The following SH3TC1 variants were observed in gnomAD, a reference collection of about 807,000 sequenced individuals.
SH3TC1 encodes the protein SH3 domain and tetratricopeptide repeats 1.
A neutral mutation model predicts 117.3 loss-of-function variants in SH3TC1; 135 were observed. The observed-to-expected ratio is 1.15, with a 90% CI of 1.00 to 1.33. The LOEUF (loss-of-function observed/expected upper bound fraction) is 1.33. SH3TC1 is among the 40% of genes most tolerant of loss of function. The pLI is 0.00. For synonymous variants in SH3TC1, 898 were observed against 816.9 expected (o/e 1.10, Z -1.69); for missense variants, 2,092 against 1,794.3 (o/e 1.17, Z -3.00).
Position 8,236,343 on chromosome 4 carries a change from G to GGC in SH3TC1, c.3471_3472insGC (p.Leu1158AlafsTer23), listed in dbSNP as rs753080232. ...AGGCGGAGCTGCGGCTGTGCAACAA[G>GGC]CTGGTGGCACTGCTGGCCACGCTGG... is the stretch of plus-strand genomic sequence containing the variant. On this transcript the variant is annotated frameshift_variant, in exon 16 of 18. Transcript: ENST00000245105. LOFTEE classifies it high-confidence loss of function. 62 of 1,552,448 alleles carry GGC rather than the reference G, an allele frequency of 4.0e-5. 1 individual carries two copies. The Admixed American group carries it at 1.0e-3, about 26-fold the overall frequency.
intron 1 of SH3TC1, among the ~76,000 whole-genome samples, chr4:8,204,154 C>T (rs2152978096): frequency 6.6e-6 from 1 of 152,320 alleles, no homozygotes; most frequent in South Asian, 2.1e-4. Context: ...CCATGCCCTG[C>T]CTGCAGAGGG....
In SH3TC1 at chr4:8,206,021, C is replaced by T. The variant is rs1207090617; in HGVS notation, c.172+655C>T. 1 of 302,974 alleles carries T rather than the reference C, an allele frequency of 3.3e-6. No individual in the cohort carries two copies. Among genetic ancestry groups the T allele is most frequent in the Non-Finnish European group, 6.2e-6 (1 of 162,140 alleles). 18.8% of individuals were successfully genotyped at this position (302,974 alleles called of 1,614,324 possible). A position where few individuals can be genotyped will look rare whatever the true frequency, so the allele number is the denominator to read the frequency against. Reference sequence around the variant, plus strand: ...CAGTGTCCAGCCTCAGCCCAGTCTCCTCTTAGCTGCCTATGTCCCTGTCTT... The same window carrying T: ...CAGTGTCCAGCCTCAGCCCAGTCTCTTCTTAGCTGCCTATGTCCCTGTCTT... On this transcript the variant is annotated intron_variant, in intron 2 of 17. Transcript: ENST00000245105. This position sits in a 1 kb window ranked among gnomAD's most constrained non-coding sequence, Gnocchi z 5.5.
In SH3TC1 at chr4:8,227,072, C is replaced by T. The variant is rs376828824; in HGVS notation, c.1378C>T (p.Pro460Ser). The T allele has an allele frequency of 3.5e-5, 56 of 1,610,196 alleles. No individual in the cohort carries two copies. Among genetic ancestry groups the T allele is most frequent in the East Asian group, 4.5e-5 (2 of 44,828 alleles). Residue 460 changes from proline (P) to serine (S), a missense_variant, in exon 12 of 18, where the codon CCC becomes TCC. Pro to Ser is a moderately conservative substitution (Grantham distance 74, BLOSUM62 -1). Transcript: ENST00000245105. ...LEQCKTCPGC[P>S]QEPASWGLCA... ...ACAATGCAAGACCTGCCCAGGCTGCCCCCAGGAGCCAGCGTCCTGGGGTCT... is the reference window on the plus strand; with the variant it reads ...ACAATGCAAGACCTGCCCAGGCTGCTCCCAGGAGCCAGCGTCCTGGGGTCT...
chr4:8,216,563 C>T (rs1019812551), intron 6 of SH3TC1, among the ~76,000 whole-genome samples: 4 of 152,166 alleles, frequency 2.6e-5, no homozygotes, highest in East Asian at 1.9e-4. Flanking sequence ...TGTGGCTGGC[C>T]GCCGAGTCTG....
chr4:8,228,007 A>C lies in SH3TC1; in HGVS notation c.2313A>C (p.Gln771His). The C allele has an allele frequency of 6.2e-7, 1 of 1,611,712 alleles. No homozygotes were observed. Among genetic ancestry groups the C allele is most frequent in the Non-Finnish European group, 8.5e-7 (1 of 1,179,304 alleles). The change falls in exon 12 of 18, where the codon CAA becomes CAC. Residue 771 changes from glutamine (Q) to histidine (H), a missense_variant. Physicochemically the swap from Gln to His is conservative, Grantham distance 24. Transcript: ENST00000245105. ...CCCAAACTTCCCACTACCTCAGGCA[A>C]GCGCTGGCCTCCCTGACCCCGGGCA... is the stretch of plus-strand genomic sequence containing the variant. ...LPAQTSHYLR[Q>H]ALASLTPGTG...
Position 8,209,854 on chromosome 4 carries a change from G to T in SH3TC1, c.247+32G>T. The T allele has an allele frequency of 6.2e-7, 1 of 1,605,644 alleles. No homozygotes were observed. Among genetic ancestry groups the T allele is most frequent in the Non-Finnish European group, 8.5e-7 (1 of 1,175,784 alleles). On this transcript the variant is annotated intron_variant, in intron 3 of 17. Coordinates refer to ENST00000245105, the MANE Select transcript of SH3TC1 (RefSeq NM_018986.5). This position sits in a 1 kb window ranked among gnomAD's most constrained non-coding sequence, Gnocchi z 5.9. ...ATCCTGGGCCCTACACAGGGCTTCAGGTTCAAATCCGGGCTGTGCCGCTCC... is the reference window on the plus strand; with the variant it reads ...ATCCTGGGCCCTACACAGGGCTTCATGTTCAAATCCGGGCTGTGCCGCTCC...
Position 8,218,312 on chromosome 4 carries a change from T to G in SH3TC1, c.881T>G (p.Met294Arg). 1 of 1,612,066 alleles carries G rather than the reference T, an allele frequency of 6.2e-7. No homozygotes were observed. Among genetic ancestry groups the G allele is most frequent in the Non-Finnish European group, 8.5e-7 (1 of 1,178,468 alleles). Residue 294 changes from methionine (M) to arginine (R), a missense_variant, in exon 8 of 18, where the codon ATG becomes AGG. Coordinates refer to ENST00000245105, the MANE Select transcript of SH3TC1 (RefSeq NM_018986.5). ...CCCCAGGACCCCATCGACGATGCCA[T>G]GGGTGGCCCTGTGATGCCCGGCAAC... ...RIPQDPIDDA[M>R]GGPVMPGNPL... is the part of the protein sequence containing the mutation.
At chr4:8,239,670 C>T (rs1722160063) in intron 17 of SH3TC1, among the ~76,000 whole-genome samples, 2 of 152,360 alleles carry the variant, frequency 1.3e-5, no homozygotes, top group Admixed American at 1.3e-4. Context: ...TGGCTCCTTC[C>T]TGTTTAGTTG....
chr4:8,187,426 C>G (rs1473267941), intron 1 of SH3TC1, among the ~76,000 whole-genome samples: 1 of 152,234 alleles, frequency 6.6e-6, no homozygotes, highest in South Asian at 2.1e-4. Flanking sequence ...GCTCCGCCCA[C>G]CAGCCTAAGT....
At chr4:8,235,359 G>A (rs1001444197) in intron 14 of SH3TC1, 74 bp from the exon 15 acceptor site, 97 of 1,406,612 alleles carry the variant, frequency 6.9e-5, no homozygotes, top group Non-Finnish European at 8.8e-5. Context: ...GAGGCTGGGC[G>A]GGGGAGTCCG....
Position 8,227,781 on chromosome 4 carries a change from G to T in SH3TC1, c.2087G>T (p.Arg696Met). Residue 696 changes from arginine to methionine, a missense_variant, in exon 12 of 18, where the codon AGG becomes ATG. Coordinates refer to ENST00000245105, the MANE Select transcript of SH3TC1 (RefSeq NM_018986.5). ...CTAGAGCGGCTGCTGCTTTTGCACA[G>T]GGACTCGGGAGCCCCAGAGGCCGCG... is the stretch of plus-strand genomic sequence containing the variant. ...PFLERLLLLH[R>M]DSGAPEAAWL... 1.9e-6 allele frequency: 3 copies of T among 1,612,642 alleles called. No individual in the cohort carries two copies. Among genetic ancestry groups the T allele is most frequent in the Non-Finnish European group, 8.5e-7 (1 of 1,179,920 alleles).
At chr4:8,232,400 C>T in intron 13 of SH3TC1, 1 of 1,576,486 alleles carries the variant, frequency 6.3e-7, no homozygotes, top group African/African-American at 1.3e-5. Context: ...TTGCACACCT[C>T]CCCAAAGGTC....
chr4:8,216,269 A>C lies in SH3TC1; in HGVS notation c.628+12A>C, dbSNP rs757303151. 6.2e-7 allele frequency: 1 copy of C among 1,611,012 alleles called. No homozygotes were observed. The highest frequency in any genetic ancestry group is 2.2e-5 in the East Asian group (1 of 44,840). On this transcript the variant is annotated intron_variant, in intron 6 of 17. Coordinates refer to ENST00000245105, the MANE Select transcript of SH3TC1 (RefSeq NM_018986.5). ...CCTCATCCAAGAAGGTGAGCGTTGC[A>C]TGGGGTGATGGCCGAGATCCAGCTG...
intron 14 of SH3TC1, 146 bp downstream of exon 14, chr4:8,233,659 A>G (rs1017692921): frequency 1.5e-5 from 15 of 990,360 alleles, no homozygotes; most frequent in Middle Eastern, 3.4e-4. Context: ...TCCTTCCATC[A>G]TCTACCCATT....
chr4:8,223,997 C>T (rs553212357), intron 10 of SH3TC1, among the ~76,000 whole-genome samples: 22 of 152,064 alleles, frequency 1.4e-4, no homozygotes, highest in South Asian at 1.2e-3. Flanking sequence ...CACACAAATA[C>T]GCATGTAAAT....
chr4:8,207,959 C>G (rs367560115), intron 2 of SH3TC1, among the ~76,000 whole-genome samples: 1 of 152,204 alleles, frequency 6.6e-6, no homozygotes, highest in South Asian at 2.1e-4. Flanking sequence ...CCAGAGCCAG[C>G]GACCATGACA....
At chr4:8,216,086 G>T (rs10938696) in intron 5 of SH3TC1, 25 bp from the exon 6 acceptor site, 12 of 1,610,964 alleles carry the variant, frequency 7.4e-6, no homozygotes, top group Non-Finnish European at 8.5e-6. Flanking sequence ...TGGAGCCCTC[G>T]GGTGACTGGG....
chr4:8,213,050 G>A, intron 4 of SH3TC1: 1 of 575,744 alleles, frequency 1.7e-6, no homozygotes, highest in East Asian at 3.3e-5. Context: ...TCGTCCCTCT[G>A]CTCTCCCACA....
upstream of SH3TC1, among the ~76,000 whole-genome samples, chr4:8,198,822 C>A (rs1417344709): frequency 6.6e-6 from 1 of 152,214 alleles, no homozygotes; most frequent in African/African-American, 2.4e-5. Context: ...TGTGTGCATA[C>A]GTGTGCCTGT....
Sources: allele counts gnomAD v4.1 joint callset (sites outside exome capture counted in the v4.1 genomes callset), GRCh38; gene constraint gnomAD v4.1.1; non-coding constraint Gnocchi (gnomAD v3.1); transcripts MANE v1.5; gene names NCBI Gene and HGNC (gene_info 2026-07-23, HGNC 2026-07-21).